The following TRIM13 variants were observed in gnomAD, a reference collection of about 807,000 sequenced individuals.
TRIM13 encodes E3 ubiquitin-protein ligase TRIM13.
A neutral mutation model predicts 27.1 loss-of-function variants in TRIM13; 15 were observed. The observed-to-expected ratio is 0.55, with a 90% confidence interval of 0.37 to 0.85. The LOEUF is 0.85. Among genes scored for constraint, TRIM13 ranks in the 40% least tolerant of loss-of-function variants. TRIM13 has a pLI of 0.00. For synonymous variants in TRIM13, 193 were observed against 171.5 expected (o/e 1.13, Z -0.98); for missense variants, 402 against 472.2 (o/e 0.85, Z 1.38).
chr13:50,011,839 A>G (rs1337967094), intron 1 of TRIM13, 96 bp from the exon 2 acceptor site: 1 of 1,409,302 alleles, frequency 7.1e-7, no homozygotes, highest in Non-Finnish European at 9.5e-7. Flanking sequence ...TTTCAGTGAA[A>G]AATCATTTTA....
At position 50,014,204 on chromosome 13, in the gene TRIM13, T is replaced by C. The variant is rs1876023626; in HGVS notation, c.*1040T>C. The C allele has an allele frequency of 6.1e-6, 1 of 162,682 alleles. No homozygotes were observed. 10.1% of individuals were successfully genotyped at this position (162,682 alleles called of 1,614,324 possible). On this transcript the variant is annotated 3_prime_UTR_variant, in exon 2 of 2. Coordinates refer to ENST00000378182, the MANE Select transcript of TRIM13 (RefSeq NM_213590.3). ...GGATCAGCTGGCTGGGCAGGGTGGC[T>C]CATGTCTATAATCTCAGCATTCTAG...
rs563232548 is a variant in TRIM13, at chr13:50,002,217, C to T, written c.-7+4454C>T. ...CAGCCTGGCCAACATGGCGAAACCC[C>T]GTCTCTATTAAAAACATAAAAATGA... On this transcript the variant is annotated intron_variant, in intron 1 of 1. Transcript: ENST00000378182. Among the ~76,000 whole-genome samples the T allele has an allele frequency of 2.6e-5, 4 of 152,172 alleles. No homozygotes were observed. The East Asian group carries it at 7.7e-4, about 29-fold the overall frequency.
intron 1 of TRIM13, among the ~76,000 whole-genome samples, chr13:50,009,042 A>AG (rs1206250788): frequency 6.6e-6 from 1 of 151,194 alleles, no homozygotes; most frequent in African/African-American, 2.4e-5. Flanking sequence ...AAAAAAAAAA[A>AG]AGAGAATCCC....
chr13:50,015,492 G>T lies in TRIM13; in HGVS notation c.*2328G>T, dbSNP rs1179129727. 1.9e-6 allele frequency: 3 copies of T among 1,600,034 alleles called. No homozygotes were observed. Among genetic ancestry groups the T allele is most frequent in the Non-Finnish European group, 2.6e-6 (3 of 1,171,784 alleles). On this transcript the variant is annotated 3_prime_UTR_variant, in exon 2 of 2. Coordinates refer to ENST00000378182, the MANE Select transcript of TRIM13 (RefSeq NM_213590.3). ...TAGCCTCTAGTTTGAAGTGAGGGAA[G>T]AATGAGTAGTCAGGAACTGGTCACT...
intron 1 of TRIM13, among the ~76,000 whole-genome samples, chr13:50,007,792 A>C (rs1406919699): frequency 1.3e-5 from 2 of 152,020 alleles, no homozygotes; most frequent in Non-Finnish European, 2.9e-5. Context: ...CAAAAAAAAA[A>C]AAAAAAGCCA....
chr13:50,012,727 A>G lies in TRIM13; in HGVS notation c.787A>G (p.Lys263Glu). The change falls in exon 2 of 2, where the codon AAG becomes GAG. Residue 263 changes from lysine to glutamate, a missense_variant. This residue lies in a region of TRIM13 where 200 missense variants were observed against 194.7 expected (regional missense o/e 1.03). Coordinates refer to ENST00000378182, the MANE Select transcript of TRIM13 (RefSeq NM_213590.3). ...QEFREKIKVI[K>E]ETPLPPSNLP... is the part of the protein sequence containing the mutation. ...GTTTAGAGAGAAAATCAAAGTAATC[A>G]AGGAAACTCCTTTACCTCCCTCTAA... 1 of 1,614,098 alleles carries G rather than the reference A, an allele frequency of 6.2e-7. No homozygotes were observed. Among genetic ancestry groups the G allele is most frequent in the Non-Finnish European group, 8.5e-7 (1 of 1,180,018 alleles).
chr13:50,007,031 A>G (rs1460651870), intron 1 of TRIM13, among the ~76,000 whole-genome samples: 5 of 151,936 alleles, frequency 3.3e-5, no homozygotes, highest in Middle Eastern at 3.4e-3. Flanking sequence ...AAAATACAAA[A>G]GTTAGCTGGG....
chr13:50,015,549 G>A lies in TRIM13; in HGVS notation c.*2385G>A. On this transcript the variant is annotated 3_prime_UTR_variant, in exon 2 of 2. Coordinates refer to ENST00000378182, the MANE Select transcript of TRIM13 (RefSeq NM_213590.3). ...GTGGGAGGGAAGATATTCACGACAA[G>A]GTTTTCTACGATAAAGCAGTTTCCT... The A allele has an allele frequency of 1.9e-6, 3 of 1,614,072 alleles. No homozygotes were observed. The highest frequency in any genetic ancestry group is 1.7e-6 in the Non-Finnish European group (2 of 1,179,980).
chr13:50,015,304 A>G lies in TRIM13; in HGVS notation c.*2140A>G, dbSNP rs1319504467. ...TTTGTATACTGCAAGTTCCCAGGCA[A>G]CTCGAATTTGCAAACACAGCCATGG... is the stretch of plus-strand genomic sequence containing the variant. On this transcript the variant is annotated 3_prime_UTR_variant, in exon 2 of 2. Coordinates refer to ENST00000378182, the MANE Select transcript of TRIM13 (RefSeq NM_213590.3). 2 of 487,614 alleles carry G rather than the reference A, an allele frequency of 4.1e-6. No individual in the cohort carries two copies. The highest frequency in any genetic ancestry group is 4.0e-5 in the African/African-American group (2 of 50,010). 30.2% of individuals were successfully genotyped at this position (487,614 alleles called of 1,614,324 possible). A position where few individuals can be genotyped will look rare whatever the true frequency, so the allele number is the denominator to read the frequency against.
chr13:50,006,306 C>T (rs990146569), intron 1 of TRIM13, among the ~76,000 whole-genome samples: 6 of 151,994 alleles, frequency 3.9e-5, no homozygotes, highest in Admixed American at 1.3e-4. Flanking sequence ...TGGCCCCTGT[C>T]GTTGTATCCT....
rs1875861912 is a variant in TRIM13, at chr13:50,013,057, G to C, written c.1117G>C (p.Glu373Gln). The C allele has an allele frequency of 6.2e-7, 1 of 1,613,774 alleles. No individual in the cohort carries two copies. Among genetic ancestry groups the C allele is most frequent in the African/African-American group, 1.3e-5 (1 of 74,888 alleles). ...DFIEQSVFYW[E>Q]QVTDGFFIFN... Reference sequence around the variant, plus strand: ...CATAGAACAATCAGTTTTTTACTGGGAACAGGTGACAGATGGGTTTTTCAT... The same window carrying C: ...CATAGAACAATCAGTTTTTTACTGGCAACAGGTGACAGATGGGTTTTTCAT... Residue 373 changes from glutamate (E) to glutamine (Q), a missense_variant, in exon 2 of 2, where the codon GAA (glutamate) becomes CAA (glutamine). Glu to Gln is a conservative substitution (Grantham distance 29). Transcript: ENST00000378182.
chr13:50,008,636 T>C (rs1371822673), intron 1 of TRIM13, among the ~76,000 whole-genome samples: 1 of 152,066 alleles, frequency 6.6e-6, no homozygotes, highest in African/African-American at 2.4e-5. Context: ...AGACCCTGTC[T>C]CTCAAAATAA....
chr13:50,001,880 G>A (rs953311596), intron 1 of TRIM13, among the ~76,000 whole-genome samples: 2 of 152,072 alleles, frequency 1.3e-5, no homozygotes, highest in African/African-American at 4.8e-5. Context: ...AAAGAATGAA[G>A]AGTAATAACA....
chr13:50,016,169 A>G lies in TRIM13; in HGVS notation c.*3005A>G. Reference sequence around the variant, plus strand: ...AGGCCTGTAACTTCTGGAAAAGATGATTATTCAAAATAATGTTTTGGGGTA... The same window carrying G: ...AGGCCTGTAACTTCTGGAAAAGATGGTTATTCAAAATAATGTTTTGGGGTA... On this transcript the variant is annotated 3_prime_UTR_variant, in exon 2 of 2. Coordinates refer to ENST00000378182, the MANE Select transcript of TRIM13 (RefSeq NM_213590.3). 1.2e-6 allele frequency: 1 copy of G among 826,470 alleles called. No homozygotes were observed. The highest frequency in any genetic ancestry group is 1.9e-6 in the Non-Finnish European group (1 of 524,992). The allele number at this position is 826,470 out of a possible 1,614,324, so 51.2% of individuals were successfully genotyped here.
In TRIM13 at chr13:50,013,091, A is replaced by G. The variant is rs1311437486; in HGVS notation, c.1151A>G (p.Glu384Gly). 1.6e-5 allele frequency: 26 copies of G among 1,612,770 alleles called. No individual in the cohort carries two copies. The highest frequency in any genetic ancestry group is 2.1e-5 in the Non-Finnish European group (25 of 1,179,686). The change falls in exon 2 of 2, where the codon GAA (glutamate) becomes GGA (glycine). Residue 384 changes from glutamate (E) to glycine (G), a missense_variant. Transcript: ENST00000378182. ...QVTDGFFIFN[E>G]RFKNFTLVVL... ...ACAGATGGGTTTTTCATTTTCAATG[A>G]AAGATTCAAGAATTTTACTTTGGTG... is the stretch of plus-strand genomic sequence containing the variant.
chr13:50,018,128 T>C lies in TRIM13; in HGVS notation c.*4964T>C, dbSNP rs1381641662. 1 of 167,102 alleles carries C rather than the reference T, an allele frequency of 6.0e-6. No homozygotes were observed. The highest frequency in any genetic ancestry group is 6.5e-5 in the Admixed American group (1 of 15,286). 10.4% of individuals were successfully genotyped at this position (167,102 alleles called of 1,614,324 possible). On this transcript the variant is annotated 3_prime_UTR_variant, in exon 2 of 2. Coordinates refer to ENST00000378182, the MANE Select transcript of TRIM13 (RefSeq NM_213590.3). ...ATGGAAAAGTGTAGTTGCTTTTAAA[T>C]GTTAAAAATAAGTTTAAACTTTATA...
At position 50,015,729 on chromosome 13, in the gene TRIM13, ATCTT is replaced by A; in HGVS notation, c.*2566_*2569del. ...TTATTACCCACTGAATTTTCAGACT[ATCTT>A]AGGCTTCAGAGAGAGGCTCTTTTCT... On this transcript the variant is annotated 3_prime_UTR_variant, in exon 2 of 2. Transcript: ENST00000378182. The A allele has an allele frequency of 6.2e-7, 1 of 1,614,054 alleles. No homozygotes were observed. The highest frequency in any genetic ancestry group is 8.5e-7 in the Non-Finnish European group (1 of 1,179,936).
Position 50,012,589 on chromosome 13 carries a change from CCA to C in TRIM13, c.650_651del (p.Pro217ArgfsTer17). 1 of 1,613,974 alleles carries C rather than the reference CCA, an allele frequency of 6.2e-7. No homozygotes were observed. Among genetic ancestry groups the C allele is most frequent in the Non-Finnish European group, 8.5e-7 (1 of 1,179,972 alleles). On this transcript the variant is annotated frameshift_variant, in exon 2 of 2. Transcript: ENST00000378182. LOFTEE classifies it high-confidence loss of function. ...ACTTGCTGTTATGCAAGCATATGAC[CCA>C]GAGATCAACAAACTCAACACCATCT... ...MKLAVMQAYD[P>X]EINKLNTILQ...
rs1431668077 is a variant in TRIM13, at chr13:50,007,488, C to T, written c.-6-4447C>T. 4.7e-5 allele frequency among the ~76,000 whole-genome samples: 3 copies of T among 64,394 alleles called. 1 individual carries two copies. Among genetic ancestry groups the T allele is most frequent in the African/African-American group, 1.1e-4 (2 of 17,698 alleles). 42.2% of individuals were successfully genotyped at this position (64,394 alleles called of 152,430 possible). A position where few individuals can be genotyped will look rare whatever the true frequency, so the allele number is the denominator to read the frequency against. Reference sequence around the variant, plus strand: ...CCTGGGCAACAGTGAGACTCTGTCTCAAAAAAAAAAAAAAAACGCCAGGCA... The same window carrying T: ...CCTGGGCAACAGTGAGACTCTGTCTTAAAAAAAAAAAAAAAACGCCAGGCA... On this transcript the variant is annotated intron_variant, in intron 1 of 1. Transcript: ENST00000378182.
Sources: allele counts gnomAD v4.1 joint callset (sites outside exome capture counted in the v4.1 genomes callset), GRCh38; gene constraint gnomAD v4.1.1; regional missense constraint gnomAD v4.1.1; transcripts MANE v1.5; gene names NCBI Gene and HGNC (gene_info 2026-07-23, HGNC 2026-07-21).